GALNT3: variants seen among roughly 807,000 people sequenced by gnomAD.
The protein encoded by GALNT3 is polypeptide N-acetylgalactosaminyltransferase 3, also known as GalNAc transferase 3.
In GALNT3, 51 loss-of-function variants were observed where a neutral mutation model predicts 69.8. The ratio of observed to expected loss-of-function variants is 0.73; its 90% CI spans 0.58 to 0.92. The LOEUF (loss-of-function observed/expected upper bound fraction) is 0.92. Ranked by LOEUF, GALNT3 falls within the 40% of genes least tolerant of loss-of-function variation. The pLI, the probability that GALNT3 is intolerant of heterozygous loss-of-function variation, is 0.00. For missense variants in GALNT3, 711 were observed against 760.0 expected, an observed-to-expected ratio of 0.94 and a Z score of 0.76; for synonymous variants, 265 against 248.5, an observed-to-expected ratio of 1.07 and a Z score of -0.63.
chr2:165,748,657 A>ATTTGT lies in GALNT3; in HGVS notation c.*123_*124insACAAA. On this transcript the variant is annotated 3_prime_UTR_variant, in exon 11 of 11. Transcript: ENST00000392701. ...GTGCTACATAAAGATATAAATAAGA[A>ATTTGT]AAATGCACTTGGAATAAGTTACATT... is the stretch of plus-strand genomic sequence containing the variant. The ATTTGT allele has an allele frequency of 2.2e-6, 2 of 895,448 alleles. No homozygotes were observed. Among genetic ancestry groups the ATTTGT allele is most frequent in the Non-Finnish European group, 3.4e-6 (2 of 583,112 alleles). The allele number at this position is 895,448 out of a possible 1,614,324, so 55.5% of individuals were successfully genotyped here. A position where few individuals can be genotyped will look rare whatever the true frequency, so the allele number is the denominator to read the frequency against.
chr2:165,793,810 C>G (rs1225493900), intron 1 of GALNT3: 2 of 152,918 alleles, frequency 1.3e-5, no homozygotes, highest in African/African-American at 4.8e-5. Flanking sequence ...CGGGCTCCCC[C>G]CCGAGGCGCC....
chr2:165,794,623 G>A (rs1683426696), upstream of GALNT3: 2 of 152,302 alleles, frequency 1.3e-5, no homozygotes, highest in African/African-American at 4.8e-5. Flanking sequence ...CTGCCTCCGA[G>A]GACCACTTCG....
chr2:165,751,463 C>G (rs1688356501), intron 9 of GALNT3, among the ~76,000 whole-genome samples: 2 of 152,162 alleles, frequency 1.3e-5, no homozygotes, highest in Non-Finnish European at 2.9e-5. Flanking sequence ...TCTAGCTATA[C>G]TTGGCTAAGA....
upstream of GALNT3, chr2:165,794,574 C>T (rs891929230): frequency 2.0e-5 from 3 of 152,360 alleles, no homozygotes; most frequent in African/African-American, 4.8e-5. Flanking sequence ...CCACACGGTT[C>T]CTCCCTTCCT....
chr2:165,754,890 C>A, intron 8 of GALNT3, 42 bp downstream of exon 8: 1 of 1,604,682 alleles, frequency 6.2e-7, no homozygotes, highest in Non-Finnish European at 8.5e-7. Flanking sequence ...AGGTTGGTGG[C>A]AAGGAGTATA....
chr2:165,792,293 C>T (rs1230668222), intron 1 of GALNT3, among the ~76,000 whole-genome samples: 2 of 152,174 alleles, frequency 1.3e-5, no homozygotes, highest in African/African-American at 2.4e-5. Flanking sequence ...AAACATGTTA[C>T]ATTTCTCACT....
chr2:165,760,357 A>C (rs567491031), intron 4 of GALNT3, among the ~76,000 whole-genome samples: 5 of 152,288 alleles, frequency 3.3e-5, no homozygotes, highest in African/African-American at 4.8e-5. Context: ...AAGGAGTTTC[A>C]TGTCATGATA....
At chr2:165,769,600 A>C (rs1688714230) in intron 2 of GALNT3, among the ~76,000 whole-genome samples, 2 of 151,560 alleles carry the variant, frequency 1.3e-5, no homozygotes, top group Non-Finnish European at 2.9e-5. Context: ...CTAAAAATAC[A>C]CAAAATTAGC....
chr2:165,762,401 A>C (rs900269773), intron 3 of GALNT3, among the ~76,000 whole-genome samples: 4 of 152,244 alleles, frequency 2.6e-5, no homozygotes, highest in Non-Finnish European at 5.9e-5. Context: ...TGACTACAAG[A>C]GTGAAAGATA....
chr2:165,751,100 T>A (rs758129467), intron 9 of GALNT3, among the ~76,000 whole-genome samples: 6 of 152,006 alleles, frequency 3.9e-5, no homozygotes, highest in Non-Finnish European at 7.4e-5. Context: ...AGGCAATTTA[T>A]CGAGTCATAA....
intron 1 of GALNT3, among the ~76,000 whole-genome samples, chr2:165,781,513 C>T (rs1035974129): frequency 6.6e-6 from 1 of 151,768 alleles, no homozygotes; most frequent in African/African-American, 2.4e-5. Context: ...AAGAACATTG[C>T]TTGAGCCCAG....
At chr2:165,755,108 A>ATTGCCC in intron 7 of GALNT3, 45 bp from the exon 8 acceptor site, 1 of 1,523,058 alleles carries the variant, frequency 6.6e-7, no homozygotes, top group Non-Finnish European at 9.1e-7. Flanking sequence ...TTAAAACAAC[A>ATTGCCC]TTGATAAAGC....
rs34100816 is a variant in GALNT3, at chr2:165,762,314, G to A, written c.689-260C>T. Among the ~76,000 whole-genome samples the A allele has an allele frequency of 0.25, 38,388 of 152,056 alleles. 5,958 individuals are homozygous for A. The highest frequency in any genetic ancestry group is 0.35 in the Non-Finnish European group (23,608 of 67,954). ...CACTTCCTATCAATAAATATAATGT[G>A]TTTGGAGGGAAGTGAGAAACTTCAA... On this transcript the variant is annotated intron_variant, in intron 3 of 10. Coordinates refer to ENST00000392701, the MANE Select transcript of GALNT3 (RefSeq NM_004482.4).
Position 165,749,914 on chromosome 2 carries a change from G to A in GALNT3, c.1627-20C>T, listed in dbSNP as rs377447501. On this transcript the variant is annotated intron_variant, in intron 9 of 10. Transcript: ENST00000392701. ...AAAGTACTATGGAAGGAATAGCACT[G>A]TTACTGACAAAAGCAACCCATGTGC... 6.2e-6 allele frequency: 10 copies of A among 1,612,182 alleles called. No individual in the cohort carries two copies. The highest frequency in any genetic ancestry group is 7.6e-6 in the Non-Finnish European group (9 of 1,178,696).
In GALNT3 at chr2:165,791,607, AG is replaced by A. The variant is rs1303159608; in HGVS notation, c.-109+2407del. Among the ~76,000 whole-genome samples the A allele has an allele frequency of 4.6e-5, 7 of 152,222 alleles. No individual in the cohort carries two copies. In the East Asian group the frequency reaches 1.3e-3, roughly 29 times the overall value. On this transcript the variant is annotated intron_variant, in intron 1 of 10. Coordinates refer to ENST00000392701, the MANE Select transcript of GALNT3 (RefSeq NM_004482.4). ...AAAAGTTTAAAGAAACTTAGTGTTAAGGAAGTGTGCTTGAAATAAAAAATCT... is the reference window on the plus strand; with the variant it reads ...AAAAGTTTAAAGAAACTTAGTGTTAAGAAGTGTGCTTGAAATAAAAAATCT...
chr2:165,769,046 C>T (rs1347457729), intron 2 of GALNT3, among the ~76,000 whole-genome samples: 5 of 150,292 alleles, frequency 3.3e-5, no homozygotes, highest in Admixed American at 6.6e-5. Flanking sequence ...CTGCCCTCCT[C>T]GGCCTCCCAA....
In GALNT3 at chr2:165,759,389, C is replaced by T. The variant is rs1341903895; in HGVS notation, c.1020G>A (p.Glu340=). Residue 340 remains glutamate, a synonymous_variant, in exon 5 of 11, where the codon GAG becomes GAA. Coordinates refer to ENST00000392701, the MANE Select transcript of GALNT3 (RefSeq NM_004482.4). ...TTTGCTTCTCATGATCAGGAAGCGA[C>T]TCCCAGCCAAATGAAAGACTCCAGT... ...NFDWSLSFGW[E]SLPDHEKQRR... is the part of the protein sequence containing the mutation. The T allele has an allele frequency of 6.2e-7, 1 of 1,614,030 alleles. No homozygotes were observed. The highest frequency in any genetic ancestry group is 2.2e-5 in the East Asian group (1 of 44,864).
chr2:165,755,658 G>C (rs777039212), intron 7 of GALNT3, among the ~76,000 whole-genome samples: 7 of 152,014 alleles, frequency 4.6e-5, no homozygotes, highest in African/African-American at 1.4e-4. Context: ...TCATTTTAAC[G>C]TACTAAGAAA....
chr2:165,777,826 G>A (rs577203760), intron 1 of GALNT3, among the ~76,000 whole-genome samples: 2 of 152,322 alleles, frequency 1.3e-5, no homozygotes, highest in South Asian at 2.1e-4. Flanking sequence ...GCTGGGCAAT[G>A]CCACCAGTGG....
Sources: gnomAD v4.1 joint callset for allele counts (sites outside exome capture counted in the v4.1 genomes callset) on GRCh38, gnomAD v4.1.1 for gene constraint, MANE v1.5 for transcripts, NCBI Gene and HGNC (gene_info 2026-07-23, HGNC 2026-07-21) for gene names.